Variants in TXNDC16 observed in about 807,000 individuals in gnomAD.
TXNDC16 encodes the protein thioredoxin domain-containing protein 16.
Under a neutral mutation model 85.6 loss-of-function variants are expected in TXNDC16, and 74 were observed. The observed-to-expected ratio is 0.86, with a 90% CI of 0.72 to 1.05. TXNDC16 has a LOEUF of 1.05. TXNDC16 is among the 50% of genes least tolerant of loss of function. The probability of loss-of-function intolerance (pLI) is 0.00; values close to 1 mark genes in which losing one functional copy is unlikely to be tolerated. For missense variants in TXNDC16, 959 were observed against 947.0 expected (o/e 1.01, Z -0.17); for synonymous variants, 335 against 326.5 (o/e 1.03, Z -0.28).
In TXNDC16 at chr14:52,499,710, G is replaced by A. The variant is rs576946520; in HGVS notation, c.757-8705C>T. Among the ~76,000 whole-genome samples the A allele has an allele frequency of 3.9e-5, 6 of 152,030 alleles. No individual in the cohort carries two copies. In the East Asian group the frequency reaches 1.2e-3, roughly 29 times the overall value. On this transcript the variant is annotated intron_variant, in intron 9 of 20. Coordinates refer to ENST00000281741, the MANE Select transcript of TXNDC16 (RefSeq NM_020784.3). The stretch of plus-strand genomic sequence containing the variant: ...GTTGGTGAGACTGTAAAATGGTGCA[G>A]GCACTATGAAAACAGTACAGTCATC...
rs368904050 is a variant in TXNDC16, at chr14:52,470,003, C to G, written c.1618+34G>C. ...TAAAACTAGCAAGCAATGATATACT[C>G]TACTGTATAATTTAAAAGCTCAGCT... On this transcript the variant is annotated intron_variant, in intron 16 of 20. Coordinates refer to ENST00000281741, the MANE Select transcript of TXNDC16 (RefSeq NM_020784.3). The G allele has an allele frequency of 2.3e-5, 36 of 1,576,882 alleles. No homozygotes were observed. The East Asian group carries it at 7.8e-4, about 34-fold the overall frequency.
chr14:52,550,763 G>GC (rs1354958431), intron 1 of TXNDC16, among the ~76,000 whole-genome samples: 5 of 152,140 alleles, frequency 3.3e-5, no homozygotes, highest in Non-Finnish European at 7.3e-5. Context: ...AATATGTGGC[G>GC]CCCTTGATTT....
intron 3 of TXNDC16, among the ~76,000 whole-genome samples, 153 bp downstream of exon 3, chr14:52,543,245 G>A (rs768190268): frequency 1.6e-4 from 25 of 152,098 alleles, no homozygotes; most frequent in Admixed American, 3.9e-4. Flanking sequence ...CAGGACAAGC[G>A]GCACGGGCCG....
chr14:52,521,135 C>A (rs989106908), intron 6 of TXNDC16, among the ~76,000 whole-genome samples: 4 of 151,026 alleles, frequency 2.6e-5, no homozygotes, highest in East Asian at 1.9e-4. Context: ...TTTTTTGAGA[C>A]GAAGTCTTGC....
At chr14:52,435,253 C>CT (rs5808677) in intron 20 of TXNDC16, among the ~76,000 whole-genome samples, 27,728 of 120,168 alleles carry the variant, frequency 0.23, 3,092 homozygotes, top group Middle Eastern at 0.26. Flanking sequence ...AACATGTCTG[C>CT]TTTTTTTTTT....
chr14:52,483,934 CAGGT>C (rs1186258841), intron 12 of TXNDC16, among the ~76,000 whole-genome samples: 3 of 152,026 alleles, frequency 2.0e-5, no homozygotes, highest in South Asian at 2.1e-4. Context: ...AAATAAAACT[CAGGT>C]AGGCAGAGAA....
chr14:52,511,345 T>G lies in TXNDC16; in HGVS notation c.651A>C (p.Lys217Asn). 3.1e-6 allele frequency: 5 copies of G among 1,604,984 alleles called. No homozygotes were observed. Among genetic ancestry groups the G allele is most frequent in the Non-Finnish European group, 4.3e-6 (5 of 1,174,058 alleles). ...ATTGCTGGGTCAAGTCCAAGACTAGTTTACAATGAAAAAAGTAGAGATGTG... is the reference window on the plus strand; with the variant it reads ...ATTGCTGGGTCAAGTCCAAGACTAGGTTACAATGAAAAAAGTAGAGATGTG... Reference protein sequence around the residue: ...EYAHLYFFHCKLVLDLTQQCR... With the variant: ...EYAHLYFFHCNLVLDLTQQCR... The change falls in exon 9 of 21, where the codon AAA becomes AAC. Residue 217 changes from lysine to asparagine, a missense_variant. By Grantham distance (94) the Lys-to-Asn change is moderately conservative. Coordinates refer to ENST00000281741, the MANE Select transcript of TXNDC16 (RefSeq NM_020784.3).
chr14:52,471,605 G>A (rs1023907446), intron 14 of TXNDC16, among the ~76,000 whole-genome samples: 2 of 151,814 alleles, frequency 1.3e-5, no homozygotes, highest in Non-Finnish European at 2.9e-5. Flanking sequence ...TCTGATCAAC[G>A]TCTGTCTCTA....
chr14:52,530,426 T>TA (rs2037509025), intron 6 of TXNDC16, among the ~76,000 whole-genome samples: 3 of 26,334 alleles, frequency 1.1e-4, no homozygotes, highest in African/African-American at 6.3e-4. Context: ...TAATATTATA[T>TA]ATAATAATAT....
chr14:52,462,216 C>T (rs1315555506), intron 16 of TXNDC16, among the ~76,000 whole-genome samples: 1 of 151,990 alleles, frequency 6.6e-6, no homozygotes, highest in Non-Finnish European at 1.5e-5. Context: ...TCAGCAAGTT[C>T]TTTATATTTT....
chr14:52,461,261 G>C (rs953528603), intron 16 of TXNDC16, among the ~76,000 whole-genome samples: 10 of 151,552 alleles, frequency 6.6e-5, no homozygotes, highest in African/African-American at 2.4e-4. Flanking sequence ...TAAAAACCTA[G>C]AAATTAATTT....
chr14:52,550,558 G>C (rs898482742), intron 1 of TXNDC16, among the ~76,000 whole-genome samples: 14 of 152,262 alleles, frequency 9.2e-5, no homozygotes, highest in African/African-American at 3.1e-4. Context: ...ATCCAGACTT[G>C]CTCTTACTGA....
intron 7 of TXNDC16, among the ~76,000 whole-genome samples, chr14:52,517,784 T>C (rs1253344546): frequency 6.6e-6 from 1 of 152,184 alleles, no homozygotes; most frequent in East Asian, 1.9e-4. Flanking sequence ...TTTCAAAAAA[T>C]TATTCTCCTA....
chr14:52,548,985 C>T (rs1300746434), intron 1 of TXNDC16, among the ~76,000 whole-genome samples: 5 of 152,146 alleles, frequency 3.3e-5, no homozygotes, highest in Admixed American at 6.5e-5. Flanking sequence ...GTCTTAGTAA[C>T]GGGTAAAGGG....
chr14:52,470,615 T>C lies in TXNDC16; in HGVS notation c.1378A>G (p.Asn460Asp). Residue 460 changes from asparagine to aspartate, a missense_variant, in exon 15 of 21, where the codon AAT (asparagine) becomes GAT (aspartate). Coordinates refer to ENST00000281741, the MANE Select transcript of TXNDC16 (RefSeq NM_020784.3). The stretch of plus-strand genomic sequence containing the variant: ...TTTATGATAGGAAATTCAGTAACAT[T>C]TTGCTTAGTACATACATCAGACCAA... Reference protein sequence around the residue: ...ADWSDVCTKQNVTEFPIIKMY... With the variant: ...ADWSDVCTKQDVTEFPIIKMY... 1 of 1,614,020 alleles carries C rather than the reference T, an allele frequency of 6.2e-7. No individual in the cohort carries two copies. The highest frequency in any genetic ancestry group is 1.1e-5 in the South Asian group (1 of 91,064).
intron 18 of TXNDC16, among the ~76,000 whole-genome samples, chr14:52,441,459 A>G (rs189354665): frequency 1.2e-4 from 19 of 152,212 alleles, no homozygotes; most frequent in African/African-American, 4.6e-4. Flanking sequence ...AAGTACAAAA[A>G]TTAGCTGGGT....
At chr14:52,486,326 C>G (rs1299358016) in intron 12 of TXNDC16, among the ~76,000 whole-genome samples, 1 of 149,006 alleles carries the variant, frequency 6.7e-6, no homozygotes, top group Admixed American at 6.7e-5. Context: ...CTCTGTTGCC[C>G]AGGTAGGAGT....
intron 18 of TXNDC16, among the ~76,000 whole-genome samples, chr14:52,444,959 AT>A (rs1336757932): frequency 2.6e-5 from 4 of 152,180 alleles, no homozygotes; most frequent in Non-Finnish European, 4.4e-5. Context: ...ATTTTGGTAC[AT>A]TAGTAAACAA....
At chr14:52,542,747 T>C (rs948964881) in intron 3 of TXNDC16, among the ~76,000 whole-genome samples, 2 of 152,178 alleles carry the variant, frequency 1.3e-5, no homozygotes, top group Non-Finnish European at 2.9e-5. Context: ...CCAAGTTTAA[T>C]ACCATATACA....
Sources: gnomAD v4.1 joint callset for allele counts (sites outside exome capture counted in the v4.1 genomes callset) on GRCh38, gnomAD v4.1.1 for gene constraint, MANE v1.5 for transcripts, NCBI Gene and HGNC (gene_info 2026-07-23, HGNC 2026-07-21) for gene names.